Variants in TKT observed in about 807,000 individuals in gnomAD.
TKT encodes the protein transketolase, also known as epididymis luminal protein 107.
A neutral mutation model predicts 63.9 loss-of-function variants in TKT; 47 were observed. The observed-to-expected ratio is 0.74, with a 90% CI of 0.58 to 0.94. The LOEUF (loss-of-function observed/expected upper bound fraction) is 0.94. Among genes scored for constraint, TKT ranks in the 40% least tolerant of loss-of-function variants. TKT has a pLI of 0.00. For missense variants in TKT, 721 were observed against 846.2 expected, an observed-to-expected ratio of 0.85 and a Z score of 1.84; for synonymous variants, 338 against 334.1, an observed-to-expected ratio of 1.01 and a Z score of -0.13.
intron 13 of TKT, 191 bp downstream of exon 13, chr3:53,226,565 C>T: frequency 1.4e-6 from 1 of 691,042 alleles, no homozygotes; most frequent in Non-Finnish European, 2.4e-6. Context: ...TCATCAGCAG[C>T]TGTGAGTTAG....
At chr3:53,235,727 G>A (rs60499054) in intron 4 of TKT, 58,174 of 152,162 alleles carry the variant, frequency 0.38, 11,875 homozygotes, top group East Asian at 0.56. Flanking sequence ...ATAGAGCAGA[G>A]GGCACTTGAG....
intron 1 of TKT, among the ~76,000 whole-genome samples, chr3:53,252,223 T>C (rs1553681731): frequency 6.6e-6 from 1 of 152,234 alleles, no homozygotes; most frequent in Non-Finnish European, 1.5e-5. Context: ...TAGCTGTGAC[T>C]ACAGCCCAGA....
At position 53,238,802 on chromosome 3, in the gene TKT, G is replaced by A. The variant is rs571677509; in HGVS notation, c.437+1449C>T. 2.0e-4 allele frequency among the ~76,000 whole-genome samples: 31 copies of A among 152,330 alleles called. No homozygotes were observed. The East Asian group carries it at 4.8e-3, about 24-fold the overall frequency. On this transcript the variant is annotated intron_variant, in intron 4 of 13. Coordinates refer to ENST00000462138, the MANE Select transcript of TKT (RefSeq NM_001064.4). ...GCCTCAGCTTCCTCACCTGTAAGAC[G>A]GGTCACGGTTCTCACACCACTACCC...
At chr3:53,240,465 C>T in intron 3 of TKT, 117 bp from the exon 4 acceptor site, 1 of 800,900 alleles carries the variant, frequency 1.2e-6, no homozygotes, top group Non-Finnish European at 2.0e-6. Context: ...AAGGTCAGGC[C>T]CCAGGATGGC....
At chr3:53,248,089 A>T (rs1394061675) in intron 1 of TKT, among the ~76,000 whole-genome samples, 1 of 152,166 alleles carries the variant, frequency 6.6e-6, no homozygotes, top group African/African-American at 2.4e-5. Flanking sequence ...AACGGAGGTA[A>T]AAGAAGAATC....
chr3:53,227,698 A>T (rs1271238397), intron 12 of TKT: 1 of 221,832 alleles, frequency 4.5e-6, no homozygotes, highest in East Asian at 1.3e-4. Flanking sequence ...TTTTACAGAT[A>T]GGAAAACAGG....
chr3:53,235,227 TCCCACCCC>T, intron 4 of TKT, 53 bp from the exon 5 acceptor site: 1 of 1,361,948 alleles, frequency 7.3e-7, no homozygotes, highest in Non-Finnish European at 9.7e-7. Context: ...CCCAGCTGGC[TCCCACCCC>T]CCCACCCATC....
chr3:53,245,666 TC>T (rs1280244141), intron 1 of TKT, among the ~76,000 whole-genome samples: 1 of 151,888 alleles, frequency 6.6e-6, no homozygotes, highest in Non-Finnish European at 1.5e-5. Context: ...ATGCCTATAA[TC>T]CCAGCTACTT....
Position 53,242,227 on chromosome 3 carries a change from G to A in TKT, c.123C>T (p.Cys41=), listed in dbSNP as rs1553680071. The change falls in exon 2 of 14, where the codon TGC becomes TGT. Residue 41 remains cysteine (C), a synonymous_variant. Coordinates refer to ENST00000462138, the MANE Select transcript of TKT (RefSeq NM_001064.4). ...CAGCCATGATCTCTGCGGCGCTGCA[G>A]CATGACGTGGGGTGGCTGTGGCCCA... is the stretch of plus-strand genomic sequence containing the variant. ...TAAGSGHPTS[C]CSAAEIMAVL... is the part of the protein sequence containing the mutation. The A allele has an allele frequency of 6.2e-7, 1 of 1,613,992 alleles. No homozygotes were observed.
chr3:53,235,371 A>G (rs1704977369), intron 4 of TKT, 197 bp from the exon 5 acceptor site: 6 of 487,646 alleles, frequency 1.2e-5, no homozygotes, highest in Non-Finnish European at 2.2e-5. Flanking sequence ...ACCCCAAGAG[A>G]AAATGGCATG....
chr3:53,255,040 G>C (rs1314518923), intron 1 of TKT, among the ~76,000 whole-genome samples: 12 of 152,284 alleles, frequency 7.9e-5, no homozygotes, highest in African/African-American at 2.6e-4. Flanking sequence ...AGCCTTCTCA[G>C]TCTCCTTGCC....
At chr3:53,240,823 C>T (rs1408077863) in intron 3 of TKT, among the ~76,000 whole-genome samples, 1 of 152,168 alleles carries the variant, frequency 6.6e-6, no homozygotes, top group African/African-American at 2.4e-5. Flanking sequence ...TTATCGAGTC[C>T]CCTCTCTTCC....
chr3:53,228,982 G>A, intron 10 of TKT, 25 bp downstream of exon 10: 1 of 1,613,474 alleles, frequency 6.2e-7, no homozygotes, highest in South Asian at 1.1e-5. Flanking sequence ...CTGCCAGCAG[G>A]AGAAAGAACA....
chr3:53,239,061 T>G (rs1395196960), intron 4 of TKT, among the ~76,000 whole-genome samples: 1 of 152,214 alleles, frequency 6.6e-6, no homozygotes, highest in Non-Finnish European at 1.5e-5. Flanking sequence ...GTTCTCGTGA[T>G]GGTGAATAAG....
chr3:53,241,670 G>C (rs1025130349), intron 2 of TKT, among the ~76,000 whole-genome samples: 16 of 152,182 alleles, frequency 1.1e-4, no homozygotes, highest in South Asian at 8.3e-4. Flanking sequence ...CACCCAGAAG[G>C]GGGGGGTCAG....
rs1575559989 is a variant in TKT, at chr3:53,229,279, C to T, written c.1264+1G>A. 1 of 1,614,026 alleles carries T rather than the reference C, an allele frequency of 6.2e-7. No homozygotes were observed. The highest frequency in any genetic ancestry group is 8.5e-7 in the Non-Finnish European group (1 of 1,179,982). On this transcript the variant is annotated splice_donor_variant, in intron 9 of 13. Transcript: ENST00000462138. LOFTEE classifies it high-confidence loss of function. ...GGTGTAAACACCCTGGCTAAACTCA[C>T]CGATGGAAACGCCGCAGTGGGAGCC...
At position 53,233,223 on chromosome 3, in the gene TKT, G is replaced by A; in HGVS notation, c.681C>T (p.Ala227=). The A allele has an allele frequency of 1.2e-6, 2 of 1,613,862 alleles. No individual in the cohort carries two copies. Among genetic ancestry groups the A allele is most frequent in the Non-Finnish European group, 1.7e-6 (2 of 1,179,912 alleles). ...TTGGCTGGTGCTTGGCCTGGCCAAA[G>A]GCCTTGCACAGCTCCTCCACGCTGT... ...DGHSVEELCK[A]FGQAKHQPTA... The change falls in exon 6 of 14, where the codon GCC becomes GCT. Residue 227 remains alanine (A), a synonymous_variant. Transcript: ENST00000462138.
Position 53,231,462 on chromosome 3 carries a change from C to T in TKT, c.837G>A (p.Gln279=). The part of the protein sequence containing the change: ...QIIQEIYSQI[Q]SKKKILATPP... ...GGGTTGCCAGGATCTTCTTTTTGCT[C>T]TGGATCTGGCTGTAGATCTCCTGGA... Residue 279 remains glutamine (Q), a synonymous_variant, in exon 7 of 14, where the codon CAG becomes CAA. Coordinates refer to ENST00000462138, the MANE Select transcript of TKT (RefSeq NM_001064.4). 6.2e-7 allele frequency: 1 copy of T among 1,614,186 alleles called. No homozygotes were observed. The highest frequency in any genetic ancestry group is 8.5e-7 in the Non-Finnish European group (1 of 1,180,028).
At chr3:53,232,249 T>C (rs1377454656) in intron 6 of TKT, 11 of 397,786 alleles carry the variant, frequency 2.8e-5, no homozygotes, top group Non-Finnish European at 4.9e-5. Flanking sequence ...ATCCTGCCCA[T>C]TTTTAACACC....
Sources: allele counts gnomAD v4.1 joint callset (sites outside exome capture counted in the v4.1 genomes callset), GRCh38; gene constraint gnomAD v4.1.1; transcripts MANE v1.5; gene names NCBI Gene and HGNC (gene_info 2026-07-23, HGNC 2026-07-21).